Variants in BEAN1 observed in about 807,000 individuals in gnomAD.
BEAN1 encodes protein BEAN1.
BEAN1 carries 17 observed loss-of-function variants against 17.7 expected under a neutral mutation model. The ratio of observed to expected loss-of-function variants is 0.96; its 90% CI spans 0.66 to 1.44. The LOEUF is 1.44. Ranked by LOEUF, BEAN1 falls within the 40% of genes most tolerant of loss-of-function variation. The pLI, the probability that BEAN1 is intolerant of heterozygous loss-of-function variation, is 0.00. For synonymous variants in BEAN1, 142 were observed against 151.8 expected, an observed-to-expected ratio of 0.94 and a Z score of 0.47; for missense variants, 359 against 374.1, an observed-to-expected ratio of 0.96 and a Z score of 0.33.
intron 2 of BEAN1, among the ~76,000 whole-genome samples, chr16:66,463,201 C>A (rs1455769442): frequency 1.3e-5 from 2 of 152,200 alleles, no homozygotes; most frequent in African/African-American, 4.8e-5. Context: ...TTATGTTTAA[C>A]CATTTGAGAA....
At chr16:66,483,292 T>C (rs1476199292), downstream of BEAN1, 2 of 163,208 alleles carry the variant, frequency 1.2e-5, no homozygotes, top group African/African-American at 4.8e-5. Flanking sequence ...AGTCAGTGCC[T>C]TACAGGAGTT....
chr16:66,459,037 C>A (rs1478814581), intron 2 of BEAN1, among the ~76,000 whole-genome samples: 1 of 152,222 alleles, frequency 6.6e-6, no homozygotes, highest in East Asian at 1.9e-4. Context: ...ATTGGAGAGG[C>A]TAAGGAACTC....
rs533744789 is a variant in BEAN1 at position 66,480,789 on chromosome 16, C to T, written c.644C>T (p.Pro215Leu). 1.1e-5 allele frequency: 17 copies of T among 1,550,066 alleles called. No individual in the cohort carries two copies. The highest frequency in any genetic ancestry group is 1.7e-4 in the Middle Eastern group (1 of 6,002). The change falls in exon 5 of 5, where the codon CCC (proline) becomes CTC (leucine). Residue 215 changes from proline (P) to leucine (L), a missense_variant. Pro to Leu is a moderately conservative substitution (Grantham distance 98). Coordinates refer to ENST00000536005, the MANE Select transcript of BEAN1 (RefSeq NM_001178020.3). Reference protein sequence around the residue: ...LHTVSMDTLPPYEAVCGAGPP... With the variant: ...LHTVSMDTLPLYEAVCGAGPP... ...ACGGTCTCCATGGACACCCTTCCCC[C>T]CTACGAGGCTGTGTGCGGGGCTGGC...
At chr16:66,444,163 C>A (rs1962357147) in intron 2 of BEAN1, among the ~76,000 whole-genome samples, 1 of 152,206 alleles carries the variant, frequency 6.6e-6, no homozygotes, top group African/African-American at 2.4e-5. Flanking sequence ...GGCAGCCCTG[C>A]CTGATAGCGG....
downstream of BEAN1, among the ~76,000 whole-genome samples, chr16:66,486,747 C>T (rs907171418): frequency 4.6e-5 from 7 of 152,208 alleles, no homozygotes; most frequent in Non-Finnish European, 1.5e-5. Flanking sequence ...GACACACAGA[C>T]GAGCAGCCTC....
intron 1 of BEAN1, among the ~76,000 whole-genome samples, chr16:66,432,510 A>C (rs1961844291): frequency 6.6e-6 from 1 of 152,206 alleles, no homozygotes; most frequent in East Asian, 1.9e-4. Context: ...AGACAATCAC[A>C]TGCACACCCG....
At chr16:66,463,687 T>C (rs990495654) in intron 2 of BEAN1, among the ~76,000 whole-genome samples, 4 of 152,266 alleles carry the variant, frequency 2.6e-5, no homozygotes, top group Non-Finnish European at 5.9e-5. Context: ...TGGTGTCGTA[T>C]CTAAGAATCA....
chr16:66,485,526 C>T (rs544936058), downstream of BEAN1: 6 of 228,324 alleles, frequency 2.6e-5, no homozygotes, highest in South Asian at 2.4e-4. Context: ...GTCCTCGGGG[C>T]CAGAGGAACT....
chr16:66,452,063 G>T (rs1159120002), intron 2 of BEAN1, among the ~76,000 whole-genome samples: 11 of 152,162 alleles, frequency 7.2e-5, no homozygotes, highest in Non-Finnish European at 1.0e-4. Context: ...GCCCCATAAT[G>T]TTTTTTGGAA....
intron 2 of BEAN1, among the ~76,000 whole-genome samples, chr16:66,440,123 C>CTTTTTTTTTTTTT (rs386384954): frequency 1.3e-5 from 1 of 75,374 alleles, no homozygotes. Context: ...TTGGGTACTT[C>CTTTTTTTTTTTTT]TTTTTTTTTT....
intron 2 of BEAN1, among the ~76,000 whole-genome samples, chr16:66,454,811 A>G (rs1227353333): frequency 8.4e-6 from 1 of 119,658 alleles, no homozygotes; most frequent in Non-Finnish European, 1.6e-5. Flanking sequence ...ATCATACTTT[A>G]TAAGACAAAG....
rs1336135200 is a variant in BEAN1, at chr16:66,469,829, C to T, written c.253C>T (p.Arg85Cys). The T allele has an allele frequency of 8.0e-6, 12 of 1,500,398 alleles. No homozygotes were observed. The highest frequency in any genetic ancestry group is 5.1e-5 in the East Asian group (2 of 39,078). 92.9% of individuals were successfully genotyped at this position (1,500,398 alleles called of 1,614,324 possible). ...HRHHHHHHHH[R>C]RRRHREYEHG... ...CCACCACCACCACCATCATCACCAC[C>T]GCCGGCGTCGACACCGAGAGTACGA... is the stretch of plus-strand genomic sequence containing the variant. Residue 85 changes from arginine (R) to cysteine (C), a missense_variant, in exon 3 of 5, where the codon CGC becomes TGC. Physicochemically the swap from Arg to Cys is radical, Grantham distance 180. Coordinates refer to ENST00000536005, the MANE Select transcript of BEAN1 (RefSeq NM_001178020.3).
At chr16:66,468,363 C>A (rs924887847) in intron 2 of BEAN1, among the ~76,000 whole-genome samples, 1 of 152,200 alleles carries the variant, frequency 6.6e-6, no homozygotes, top group Non-Finnish European at 1.5e-5. Context: ...GGAGAACGTG[C>A]AAGGGGACCC....
chr16:66,493,660 T>C (rs756026154), downstream of BEAN1: 1 of 476,136 alleles, frequency 2.1e-6, no homozygotes, highest in Admixed American at 3.8e-5. Flanking sequence ...TGGTCTCGGA[T>C]GCAGTTCCTG....
intron 2 of BEAN1, among the ~76,000 whole-genome samples, chr16:66,463,586 C>T (rs1004191261): frequency 2.6e-5 from 4 of 152,140 alleles, no homozygotes; most frequent in South Asian, 2.1e-4. Context: ...CCGATTCTAC[C>T]GACTGTCTCT....
At chr16:66,469,976 A>G in intron 3 of BEAN1, 111 bp downstream of exon 3, 1 of 1,394,084 alleles carries the variant, frequency 7.2e-7, no homozygotes. Flanking sequence ...GTGGTCGGGA[A>G]AGCATCCTAG....
chr16:66,458,933 G>T (rs1962975914), intron 2 of BEAN1, among the ~76,000 whole-genome samples: 1 of 152,248 alleles, frequency 6.6e-6, no homozygotes, highest in Admixed American at 6.5e-5. Context: ...ATGGACCCAG[G>T]CACCGCTCCT....
At chr16:66,479,395 G>T (rs952520448) in intron 4 of BEAN1, among the ~76,000 whole-genome samples, 1 of 152,092 alleles carries the variant, frequency 6.6e-6, no homozygotes, top group Non-Finnish European at 1.5e-5. Flanking sequence ...ACGAGGGGAT[G>T]CCCCAGCTGC....
intron 4 of BEAN1, among the ~76,000 whole-genome samples, chr16:66,492,230 C>T (rs1051197124): frequency 7.3e-5 from 11 of 151,346 alleles, no homozygotes; most frequent in African/African-American, 1.9e-4. Context: ...TTAGTAGAGA[C>T]GGGGTTTCAC....
Sources: allele counts gnomAD v4.1 joint callset (sites outside exome capture counted in the v4.1 genomes callset), GRCh38; gene constraint gnomAD v4.1.1; transcripts MANE v1.5; gene names NCBI Gene and HGNC (gene_info 2026-07-23, HGNC 2026-07-21).